Variants in MKI67 observed in about 807,000 individuals in gnomAD.
MKI67 encodes marker of proliferation Ki-67.
Under a neutral mutation model 233.5 loss-of-function variants are expected in MKI67, and 152 were observed. The observed-to-expected ratio is 0.65, with a 90% CI of 0.57 to 0.74. MKI67 has a LOEUF of 0.74. Ranked by LOEUF, MKI67 falls within the 30% of genes least tolerant of loss-of-function variation. The pLI, the probability that MKI67 is intolerant of heterozygous loss-of-function variation, is 0.00. For missense variants in MKI67, 3,940 were observed against 3,885.2 expected (o/e 1.01, Z -0.37); for synonymous variants, 1,465 against 1,418.5 (o/e 1.03, Z -0.74).
Position 128,106,873 on chromosome 10 carries a change from G to A in MKI67, c.4967C>T (p.Ser1656Leu), listed in dbSNP as rs1283621319. ...LLAVGKLTQT[S>L]GETTHTHTEP... ...TGTGTGTGTGTGTGTAGTCTCTCCTGATGTCTGTGTGAGCTTGCCAACTGC... is the reference window on the plus strand; with the variant it reads ...TGTGTGTGTGTGTGTAGTCTCTCCTAATGTCTGTGTGAGCTTGCCAACTGC... Residue 1656 changes from serine to leucine, a missense_variant, in exon 13 of 15, where the codon TCA (serine) becomes TTA (leucine). Ser to Leu is a moderately radical substitution (Grantham distance 145). Coordinates refer to ENST00000368654, the MANE Select transcript of MKI67 (RefSeq NM_002417.5). 4 of 1,613,990 alleles carry A rather than the reference G, an allele frequency of 2.5e-6. No homozygotes were observed. The highest frequency in any genetic ancestry group is 3.4e-6 in the Non-Finnish European group (4 of 1,180,038).
chr10:128,116,625 G>A (rs1852815558), intron 5 of MKI67, 89 bp from the exon 6 acceptor site: 3 of 1,325,566 alleles, frequency 2.3e-6, no homozygotes, highest in Non-Finnish European at 3.2e-6. Context: ...ATTGTTTTCT[G>A]GCTGGGCATG....
chr10:128,122,168 A>T (rs772763514), intron 4 of MKI67, among the ~76,000 whole-genome samples: 14 of 152,162 alleles, frequency 9.2e-5, no homozygotes, highest in Non-Finnish European at 2.1e-4. Flanking sequence ...TGAAAAACAG[A>T]CATGCCCTTC....
chr10:128,115,788 G>T lies in MKI67; in HGVS notation c.620C>A (p.Ser207Tyr). ...ATAACGGCTCACTAATTTAACGCTG[G>T]AAATTTCTTTAAAATCCCCAGAAAT... ...DPISGDFKEI[S>Y]SVKLVSRYGE... The change falls in exon 7 of 15, where the codon TCC (serine) becomes TAC (tyrosine). Residue 207 changes from serine to tyrosine, a missense_variant. Ser to Tyr is a moderately radical substitution (Grantham distance 144, BLOSUM62 -2). Coordinates refer to ENST00000368654, the MANE Select transcript of MKI67 (RefSeq NM_002417.5). 1 of 1,612,184 alleles carries T rather than the reference G, an allele frequency of 6.2e-7. No homozygotes were observed.
In MKI67 at chr10:128,104,816, A is replaced by G. The variant is rs781774497; in HGVS notation, c.7024T>C (p.Cys2342Arg). 2.5e-6 allele frequency: 4 copies of G among 1,612,852 alleles called. No individual in the cohort carries two copies. The South Asian group carries it at 4.4e-5, about 18-fold the overall frequency. ...TTDEKTTKIA[C>R]KSPQPDPVDT... ...ACTGGGTCTGGTTGTGGAGATTTGC[A>G]GGCTATTTTGGTAGTTTTCTCATCA... Residue 2342 changes from cysteine to arginine, a missense_variant, in exon 13 of 15, where the codon TGC (cysteine) becomes CGC (arginine). By Grantham distance (180) the Cys-to-Arg change is radical. Coordinates refer to ENST00000368654, the MANE Select transcript of MKI67 (RefSeq NM_002417.5).
Position 128,103,827 on chromosome 10 carries a change from TTC to T in MKI67, c.8011_8012del (p.Glu2671LysfsTer16). ...CCAGGTCTTCCAGGGGTTGGGCCTT[TTC>T]CTTAGGTGCTCTTGGCCTTCTCCTG... ...PSRRRPRAPKEKAQPLEDLAG... is the reference protein window; with the variant it reads ...PSRRRPRAPKXKAQPLEDLAG... On this transcript the variant is annotated frameshift_variant, in exon 13 of 15. Coordinates refer to ENST00000368654, the MANE Select transcript of MKI67 (RefSeq NM_002417.5). LOFTEE classifies it high-confidence loss of function. 6.2e-7 allele frequency: 1 copy of T among 1,614,134 alleles called. No homozygotes were observed. Among genetic ancestry groups the T allele is most frequent in the Non-Finnish European group, 8.5e-7 (1 of 1,180,022 alleles).
chr10:128,125,560 C>T lies in MKI67; in HGVS notation c.92+16G>A. 6.2e-7 allele frequency: 1 copy of T among 1,607,940 alleles called. No individual in the cohort carries two copies. Among genetic ancestry groups the T allele is most frequent in the Non-Finnish European group, 8.5e-7 (1 of 1,175,708 alleles). On this transcript the variant is annotated intron_variant, in intron 2 of 14. Transcript: ENST00000368654. The surrounding 1 kb of genome is among the most constrained non-coding windows in gnomAD (Gnocchi z 5.3). ...CTTTCTCAGCTAAAACGTCCGCGCG[C>T]GCCCGCGGGGCTCACCTTCCAAACA...
chr10:128,106,133 C>T lies in MKI67; in HGVS notation c.5707G>A (p.Ala1903Thr), dbSNP rs762574925. ...FRKLTPSAGK[A>T]MHTPKAAVGE... Reference sequence around the variant, plus strand: ...ACTGCTGCTTTAGGCGTGTGCATGGCTTTGCCTGCTGATGGTGTTAGTTTC... The same window carrying T: ...ACTGCTGCTTTAGGCGTGTGCATGGTTTTGCCTGCTGATGGTGTTAGTTTC... The change falls in exon 13 of 15, where the codon GCC becomes ACC. Residue 1903 changes from alanine to threonine, a missense_variant. Physicochemically the swap from Ala to Thr is moderately conservative, Grantham distance 58. Coordinates refer to ENST00000368654, the MANE Select transcript of MKI67 (RefSeq NM_002417.5). 3.4e-5 allele frequency: 55 copies of T among 1,613,942 alleles called. No individual in the cohort carries two copies. The highest frequency in any genetic ancestry group is 4.6e-5 in the Non-Finnish European group (54 of 1,180,034).
intron 14 of MKI67, among the ~76,000 whole-genome samples, chr10:128,100,714 T>A (rs1353235228): frequency 9.2e-5 from 14 of 152,164 alleles, no homozygotes; most frequent in Admixed American, 9.2e-4. Context: ...GCACTTAAAG[T>A]TCATTAGCTT....
Position 128,115,386 on chromosome 10 carries a change from T to G in MKI67, c.1022A>C (p.Glu341Ala). The stretch of plus-strand genomic sequence containing the variant: ...TACAGGGGTCTTCATTTTAGCCGGC[T>G]CATAGAGAGGAAAGCTGGCGCCCAC... Reference protein sequence around the residue: ...KAVGASFPLYEPAKMKTPVQY... With the variant: ...KAVGASFPLYAPAKMKTPVQY... Residue 341 changes from glutamate to alanine, a missense_variant, in exon 7 of 15, where the codon GAG (glutamate) becomes GCG (alanine). By Grantham distance (107) the Glu-to-Ala change is moderately radical. Coordinates refer to ENST00000368654, the MANE Select transcript of MKI67 (RefSeq NM_002417.5). 6.2e-7 allele frequency: 1 copy of G among 1,614,176 alleles called. No homozygotes were observed. Among genetic ancestry groups the G allele is most frequent in the East Asian group, 2.2e-5 (1 of 44,882 alleles).
Position 128,105,496 on chromosome 10 carries a change from G to T in MKI67, c.6344C>A (p.Thr2115Lys). The T allele has an allele frequency of 6.2e-7, 1 of 1,614,046 alleles. No individual in the cohort carries two copies. The highest frequency in any genetic ancestry group is 8.5e-7 in the Non-Finnish European group (1 of 1,180,020). The stretch of plus-strand genomic sequence containing the variant: ...TGTTTTGGGCCGCCTCCTTGTGCTT[G>T]TTGGAGTGTCCATTGATTCTGGTGG... ...SPPPESMDTP[T>K]STRRRPKTPL... Residue 2115 changes from threonine (T) to lysine (K), a missense_variant, in exon 13 of 15, where the codon ACA becomes AAA. Coordinates refer to ENST00000368654, the MANE Select transcript of MKI67 (RefSeq NM_002417.5).
At chr10:128,112,493 T>A in intron 8 of MKI67, 48 bp from the exon 9 acceptor site, 2 of 1,540,074 alleles carry the variant, frequency 1.3e-6, no homozygotes, top group Non-Finnish European at 1.8e-6. Context: ...GGATCTAACA[T>A]CTCTGGAATG....
Position 128,105,882 on chromosome 10 carries a change from T to A in MKI67, c.5958A>T (p.Pro1986=). 1 of 1,614,108 alleles carries A rather than the reference T, an allele frequency of 6.2e-7. No individual in the cohort carries two copies. Among genetic ancestry groups the A allele is most frequent in the Non-Finnish European group, 8.5e-7 (1 of 1,180,022 alleles). The change falls in exon 13 of 15, where the codon CCA becomes CCT. Residue 1986 remains proline (P), a synonymous_variant. Coordinates refer to ENST00000368654, the MANE Select transcript of MKI67 (RefSeq NM_002417.5). ...ITEVSCKSPQ[P]DPVKTPTSSK... is the part of the protein sequence containing the mutation. ...AGCTTGTTGGGGTTTTGACTGGGTC[T>A]GGTTGTGGAGATTTGCAGGATACTT... is the stretch of plus-strand genomic sequence containing the variant.
In MKI67 at chr10:128,104,006, C is replaced by A. The variant is rs1464830817; in HGVS notation, c.7834G>T (p.Val2612Leu). 4.3e-6 allele frequency: 7 copies of A among 1,613,962 alleles called. No individual in the cohort carries two copies. Among genetic ancestry groups the A allele is most frequent in the Non-Finnish European group, 5.9e-6 (7 of 1,180,030 alleles). ...TCAACTGCTGAGAGCTCCTCTTTTA[C>A]TTCTTTCCTGGGACGTGTCTTGGGG... ...RCPKTRPRKE[V>L]KEELSAVERL... Residue 2612 changes from valine to leucine, a missense_variant, in exon 13 of 15, where the codon GTA becomes TTA. Transcript: ENST00000368654.
chr10:128,104,862 T>C lies in MKI67; in HGVS notation c.6978A>G (p.Pro2326=). 6.2e-7 allele frequency: 1 copy of C among 1,612,820 alleles called. No homozygotes were observed. The highest frequency in any genetic ancestry group is 8.5e-7 in the Non-Finnish European group (1 of 1,179,798). ...CATCAGTCGTGGGCTTGTCAGTGCC[T>C]GGTGTCTGGAAGAGCTCTTTGAAGC... ...LAGFKELFQT[P]GTDKPTTDEK... Residue 2326 remains proline (P), a synonymous_variant, in exon 13 of 15, where the codon CCA becomes CCG. Transcript: ENST00000368654.
At chr10:128,102,209 T>C (rs902115858) in intron 13 of MKI67, among the ~76,000 whole-genome samples, 12 of 152,322 alleles carry the variant, frequency 7.9e-5, no homozygotes, top group African/African-American at 2.6e-4. Flanking sequence ...ATAGTTAAAA[T>C]AGTGACATAG....
At position 128,103,302 on chromosome 10, in the gene MKI67, G is replaced by A; in HGVS notation, c.8538C>T (p.Ala2846=). 1 of 1,614,084 alleles carries A rather than the reference G, an allele frequency of 6.2e-7. No individual in the cohort carries two copies. The highest frequency in any genetic ancestry group is 1.3e-5 in the African/African-American group (1 of 75,016). The change falls in exon 13 of 15, where the codon GCC becomes GCT. Residue 2846 remains alanine (A), a synonymous_variant. Coordinates refer to ENST00000368654, the MANE Select transcript of MKI67 (RefSeq NM_002417.5). The part of the protein sequence containing the change: ...TSSKRRPRTR[A]QKVEVKEELL... ...GCTCCTCCTTCACTTCTACTTTCTG[G>A]GCACGTGTCCTGGGCCGTCTCTTTG...
Position 128,125,897 on chromosome 10 carries a change from G to C in MKI67, c.-89-141C>G. Reference sequence around the variant, plus strand: ...GGACGATCCGACCGCAGCCCCCGGCGCCCCAAAGTCCGGCAGCTGGGGTGT... The same window carrying C: ...GGACGATCCGACCGCAGCCCCCGGCCCCCCAAAGTCCGGCAGCTGGGGTGT... On this transcript the variant is annotated intron_variant, in intron 1 of 14. Coordinates refer to ENST00000368654, the MANE Select transcript of MKI67 (RefSeq NM_002417.5). This position sits in a 1 kb window ranked among gnomAD's most constrained non-coding sequence, Gnocchi z 5.3. 2 of 549,164 alleles carry C rather than the reference G, an allele frequency of 3.6e-6. No homozygotes were observed. The highest frequency in any genetic ancestry group is 6.5e-6 in the Non-Finnish European group (2 of 308,192). The allele number at this position is 549,164 out of a possible 1,614,324, so 34.0% of individuals were successfully genotyped here.
rs1232904902 is a variant in MKI67, at chr10:128,098,249, A to T, written c.*941T>A. On this transcript the variant is annotated 3_prime_UTR_variant, in exon 15 of 15. Coordinates refer to ENST00000368654, the MANE Select transcript of MKI67 (RefSeq NM_002417.5). ...GCGGCTCACAAGGAAGCGATCCTGA[A>T]ATCGTGGCTGAAGGTGCTGAGTGCT... 6.6e-6 allele frequency: 1 copy of T among 152,310 alleles called. No homozygotes were observed. The highest frequency in any genetic ancestry group is 1.5e-5 in the Non-Finnish European group (1 of 68,102). The allele number at this position is 152,310 out of a possible 1,614,324, so 9.4% of individuals were successfully genotyped here. A position where few individuals can be genotyped will look rare whatever the true frequency, so the allele number is the denominator to read the frequency against.
chr10:128,108,621 C>T lies in MKI67; in HGVS notation c.3219G>A (p.Lys1073=). The part of the protein sequence containing the change: ...KSIRTFKESP[K]QILDPAARVT... ...CACGGGCTGCTGGGTCCAGGATCTG[C>T]TTTGGAGACTCCTTAAACGTTCTGA... Residue 1073 remains lysine, a synonymous_variant, in exon 13 of 15, where the codon AAG becomes AAA. Coordinates refer to ENST00000368654, the MANE Select transcript of MKI67 (RefSeq NM_002417.5). 1.2e-6 allele frequency: 2 copies of T among 1,614,188 alleles called. No homozygotes were observed. The highest frequency in any genetic ancestry group is 8.5e-7 in the Non-Finnish European group (1 of 1,180,026).
Sources: allele counts gnomAD v4.1 joint callset (sites outside exome capture counted in the v4.1 genomes callset), GRCh38; gene constraint gnomAD v4.1.1; non-coding constraint Gnocchi (gnomAD v3.1); transcripts MANE v1.5; gene names NCBI Gene and HGNC (gene_info 2026-07-23, HGNC 2026-07-21).